The following L3MBTL4 variants were observed in gnomAD, a reference collection of about 807,000 sequenced individuals.
L3MBTL4 encodes the protein L3MBTL histone methyl-lysine binding protein 4.
In L3MBTL4, 70 loss-of-function variants were observed where a neutral mutation model predicts 84.5. The observed-to-expected ratio is 0.83, with a 90% confidence interval of 0.68 to 1.01. L3MBTL4 has a LOEUF of 1.01. Among genes scored for constraint, L3MBTL4 ranks in the 50% least tolerant of loss-of-function variants. The pLI is 0.00. For synonymous variants in L3MBTL4, 274 were observed against 259.8 expected, an observed-to-expected ratio of 1.05 and a Z score of -0.52; for missense variants, 715 against 754.8, an observed-to-expected ratio of 0.95 and a Z score of 0.62.
intron 4 of L3MBTL4, among the ~76,000 whole-genome samples, chr18:6,290,681 C>T (rs1413047145): frequency 6.6e-6 from 1 of 152,190 alleles, no homozygotes; most frequent in Admixed American, 6.5e-5. Flanking sequence ...GCATACACCA[C>T]CATGCCCAGC....
At chr18:6,128,490 G>A (rs2059773592) in intron 14 of L3MBTL4, among the ~76,000 whole-genome samples, 2 of 152,108 alleles carry the variant, frequency 1.3e-5, no homozygotes, top group Non-Finnish European at 2.9e-5. Context: ...GAGGGGAGGG[G>A]AGTGACATGA....
At chr18:6,086,948 C>T (rs976467164) in intron 15 of L3MBTL4, among the ~76,000 whole-genome samples, 29 of 152,238 alleles carry the variant, frequency 1.9e-4, no homozygotes, top group South Asian at 8.3e-4. Flanking sequence ...ATGTCATGAG[C>T]GAATCAGCAT....
chr18:5,966,623 C>T (rs565926824), intron 17 of L3MBTL4, among the ~76,000 whole-genome samples: 3 of 152,316 alleles, frequency 2.0e-5, no homozygotes, highest in South Asian at 4.1e-4. Flanking sequence ...TTTATGTCCA[C>T]TGGGACATCT....
intron 12 of L3MBTL4, among the ~76,000 whole-genome samples, chr18:6,193,916 A>T (rs1038714295): frequency 3.3e-5 from 5 of 152,208 alleles, no homozygotes; most frequent in Non-Finnish European, 4.4e-5. Context: ...ATAGCAGGAC[A>T]AATGAGTCTT....
At chr18:5,969,316 A>G (rs2052513562) in intron 17 of L3MBTL4, 77 bp downstream of exon 17, 2 of 1,512,412 alleles carry the variant, frequency 1.3e-6, no homozygotes, top group East Asian at 2.3e-5. Context: ...ACATCAAAGA[A>G]TGGTCAGTGG....
chr18:6,242,427 A>G (rs1203966658), intron 7 of L3MBTL4, among the ~76,000 whole-genome samples: 1 of 152,132 alleles, frequency 6.6e-6, no homozygotes, highest in Admixed American at 6.5e-5. Context: ...AGCCCCGTGG[A>G]GATAGAGACA....
chr18:6,389,610 T>C (rs1169417220), intron 1 of L3MBTL4, among the ~76,000 whole-genome samples: 2 of 152,046 alleles, frequency 1.3e-5, no homozygotes, highest in East Asian at 3.9e-4. Context: ...TGGAAACAAA[T>C]ATTCCATGCA....
chr18:6,363,605 A>G (rs1444964082), intron 1 of L3MBTL4, among the ~76,000 whole-genome samples: 3 of 152,230 alleles, frequency 2.0e-5, no homozygotes, highest in Non-Finnish European at 4.4e-5. Flanking sequence ...CAAACTTTCA[A>G]ATACTTCATA....
Position 6,189,599 on chromosome 18 carries a change from C to CA in L3MBTL4, c.982-17658dup, listed in dbSNP as rs1159125058. Among the ~76,000 whole-genome samples the CA allele has an allele frequency of 5.3e-5, 8 of 151,610 alleles. No individual in the cohort carries two copies. In the East Asian group the frequency reaches 1.2e-3, roughly 22 times the overall value. ...CAGATGATCCAGATGTTAAAACTAG[C>CA]AAAAAAGAACATTAATTACTATAAA... On this transcript the variant is annotated intron_variant, in intron 12 of 18. Transcript: ENST00000317931.
chr18:6,246,039 T>C (rs1306906426), intron 5 of L3MBTL4, among the ~76,000 whole-genome samples: 3 of 152,236 alleles, frequency 2.0e-5, no homozygotes, highest in Non-Finnish European at 2.9e-5. Flanking sequence ...GAATAGTCCA[T>C]ACTTGAATTG....
At chr18:6,375,289 G>A (rs540957218) in intron 1 of L3MBTL4, among the ~76,000 whole-genome samples, 7 of 151,652 alleles carry the variant, frequency 4.6e-5, no homozygotes, top group Non-Finnish European at 8.8e-5. Flanking sequence ...TGGCTCTCCC[G>A]CCCTAAGGAT....
intron 14 of L3MBTL4, among the ~76,000 whole-genome samples, chr18:6,136,286 A>G (rs2060026701): frequency 6.6e-6 from 1 of 152,198 alleles, no homozygotes; most frequent in African/African-American, 2.4e-5. Flanking sequence ...GCACATGTGG[A>G]CAGTCCACTC....
At chr18:6,150,136 A>G (rs998436962) in intron 13 of L3MBTL4, among the ~76,000 whole-genome samples, 47 of 152,164 alleles carry the variant, frequency 3.1e-4, no homozygotes, top group African/African-American at 1.1e-3. Flanking sequence ...GTCACATACA[A>G]TTTTCGGACT....
rs189795688 is a variant in L3MBTL4, at chr18:6,178,593, T to C, written c.982-6651A>G. On this transcript the variant is annotated intron_variant, in intron 12 of 18. Transcript: ENST00000317931. ...TTGCATAAAATAAACATGTAGACCC[T>C]TCTTGCTCAAGCTTTGATAAACTAG... 8.5e-5 allele frequency among the ~76,000 whole-genome samples: 13 copies of C among 152,326 alleles called. No homozygotes were observed. The East Asian group carries it at 2.5e-3, about 29-fold the overall frequency.
chr18:6,379,298 A>C (rs1312061165), intron 1 of L3MBTL4, among the ~76,000 whole-genome samples: 1 of 152,176 alleles, frequency 6.6e-6, no homozygotes, highest in East Asian at 1.9e-4. Context: ...TCCTATTTGA[A>C]TAGCCTTTAT....
chr18:5,995,118 G>A (rs530247002), intron 16 of L3MBTL4, among the ~76,000 whole-genome samples: 6 of 152,392 alleles, frequency 3.9e-5, no homozygotes, highest in Admixed American at 1.3e-4. Flanking sequence ...AAACATGTGC[G>A]TCCAGGAGGG....
chr18:6,143,967 GGT>G lies in L3MBTL4; in HGVS notation c.1097-5673_1097-5672del, dbSNP rs1568194139. Reference sequence around the variant, plus strand: ...AATCCCAGCATTTTGGGAGGCCAAGGGTGGCGGATCACAAGGTCAGGAGATCG... The same window carrying G: ...AATCCCAGCATTTTGGGAGGCCAAGGGGCGGATCACAAGGTCAGGAGATCG... On this transcript the variant is annotated intron_variant, in intron 13 of 18. Coordinates refer to ENST00000317931, the MANE Select transcript of L3MBTL4 (RefSeq NM_001330559.2). 1.5e-3 allele frequency among the ~76,000 whole-genome samples: 230 copies of G among 152,242 alleles called. 1 individual carries two copies. The highest frequency in any genetic ancestry group is 5.4e-3 in the African/African-American group (224 of 41,542).
At chr18:6,411,081 C>T (rs2055945029) in intron 1 of L3MBTL4, among the ~76,000 whole-genome samples, 1 of 152,148 alleles carries the variant, frequency 6.6e-6, no homozygotes, top group African/African-American at 2.4e-5. Context: ...GATAAATTAT[C>T]CTAAGGCACT....
At chr18:5,979,183 C>T (rs946821007) in intron 16 of L3MBTL4, among the ~76,000 whole-genome samples, 11 of 152,162 alleles carry the variant, frequency 7.2e-5, no homozygotes, top group African/African-American at 2.7e-4. Flanking sequence ...TGGATTGTGC[C>T]TCCCTTTTCT....
Sources: gnomAD v4.1 joint callset for allele counts (sites outside exome capture counted in the v4.1 genomes callset) on GRCh38, gnomAD v4.1.1 for gene constraint, MANE v1.5 for transcripts, NCBI Gene and HGNC (gene_info 2026-07-23, HGNC 2026-07-21) for gene names.